MTRF1: variants seen among roughly 807,000 people sequenced by gnomAD.
MTRF1 encodes the protein mitochondrial translation release factor 1, also known as peptide chain release factor 1, mitochondrial.
Under a neutral mutation model 62.9 loss-of-function variants are expected in MTRF1, and 51 were observed. The observed-to-expected ratio is 0.81, with a 90% CI of 0.65 to 1.02. MTRF1 has a LOEUF of 1.02. Among genes scored for constraint, MTRF1 ranks in the 50% least tolerant of loss-of-function variants. The pLI, the probability that MTRF1 is intolerant of heterozygous loss-of-function variation, is 0.00. For missense variants in MTRF1, 446 were observed against 530.0 expected, an observed-to-expected ratio of 0.84 and a Z score of 1.56; for synonymous variants, 158 against 181.9, an observed-to-expected ratio of 0.87 and a Z score of 1.06.
At position 41,254,614 on chromosome 13, in the gene MTRF1, T is replaced by C. The variant is rs763481523; in HGVS notation, c.422A>G (p.Asn141Ser). 6.2e-7 allele frequency: 1 copy of C among 1,612,264 alleles called. No individual in the cohort carries two copies. The highest frequency in any genetic ancestry group is 1.1e-5 in the South Asian group (1 of 90,946). The part of the protein sequence containing the change: ...EELESMCKSL[N>S]KQDEKQLQEL... The stretch of plus-strand genomic sequence containing the variant: ...TTGTAACTGCTTTTCATCTTGTTTA[T>C]TTAGGCCTAAAAGCCAGAAACAGAA... The change falls in exon 3 of 10, where the codon AAT becomes AGT. Residue 141 changes from asparagine to serine, a missense_variant. Transcript: ENST00000379480.
chr13:41,223,429 A>T, intron 8 of MTRF1, 75 bp from the exon 9 acceptor site: 2 of 1,176,016 alleles, frequency 1.7e-6, no homozygotes, highest in South Asian at 2.6e-5. Flanking sequence ...GCACTTGGCA[A>T]ATGACCATTT....
At chr13:41,253,099 C>T (rs1378051268) in intron 3 of MTRF1, 69 bp from the exon 4 acceptor site, 8 of 1,166,258 alleles carry the variant, frequency 6.9e-6, no homozygotes, top group Non-Finnish European at 8.6e-6. Context: ...AATAAAGGCC[C>T]GAAAAACATT....
At chr13:41,268,792 A>C in the MTRF1 span, among the ~76,000 whole-genome samples, 2 of 152,218 alleles carry the variant, frequency 1.3e-5, no homozygotes, top group Admixed American at 6.5e-5. Context: ...TGAGTAAATC[A>C]ATCCCTTAAG....
chr13:41,290,512 AGCCTCCCAAGTAGCTGGGACTACAG>A, the MTRF1 span, among the ~76,000 whole-genome samples: 1 of 150,910 alleles, frequency 6.6e-6, no homozygotes, highest in Non-Finnish European at 1.5e-5. Context: ...CTCCTGCCTC[AGCCTCCCAAGTAGCTGGGACTACAG>A]GCCTATGCCC....
At chr13:41,254,731 AGG>A in intron 2 of MTRF1, 111 bp from the exon 3 acceptor site, 1 of 705,156 alleles carries the variant, frequency 1.4e-6, no homozygotes. Flanking sequence ...TGCAAAGGCA[AGG>A]GATTATACAA....
the MTRF1 span, among the ~76,000 whole-genome samples, chr13:41,275,443 GC>G: frequency 1.5e-4 from 22 of 149,310 alleles, no homozygotes; most frequent in Non-Finnish European, 2.5e-4. Context: ...CTCGTGATCT[GC>G]CCGCCTCGGC....
intron 7 of MTRF1, among the ~76,000 whole-genome samples, chr13:41,230,684 A>G (rs7331451): frequency 0.64 from 96,080 of 150,914 alleles, 30,835 homozygotes; most frequent in Admixed American, 0.66. Context: ...ACAACAAACA[A>G]TACAAGCAAT....
the MTRF1 span, among the ~76,000 whole-genome samples, chr13:41,308,683 G>C: frequency 6.6e-6 from 1 of 152,158 alleles, no homozygotes; most frequent in African/African-American, 2.4e-5. Flanking sequence ...GCTCTGCAGA[G>C]TACACATAGG....
chr13:41,250,719 G>T (rs974971144), intron 5 of MTRF1, among the ~76,000 whole-genome samples: 1 of 152,098 alleles, frequency 6.6e-6, no homozygotes, highest in Non-Finnish European at 1.5e-5. Flanking sequence ...GTCTCGAACT[G>T]TCTCCCGAAG....
the MTRF1 span, chr13:41,311,302 A>G: frequency 1.1e-5 from 6 of 542,308 alleles, no homozygotes; most frequent in East Asian, 6.7e-5. Context: ...GCCGCTGGCC[A>G]AAAAGCGGAG....
chr13:41,252,593 AG>A (rs2039210784), intron 5 of MTRF1, 51 bp downstream of exon 5: 2 of 1,376,094 alleles, frequency 1.5e-6, no homozygotes, highest in African/African-American at 2.9e-5. Context: ...TCAAGATCAG[AG>A]GTAAAATAAT....
At chr13:41,226,713 C>G in intron 7 of MTRF1, 145 bp from the exon 8 acceptor site, 1 of 923,130 alleles carries the variant, frequency 1.1e-6, no homozygotes, top group Non-Finnish European at 1.6e-6. Context: ...CAGAAACTAG[C>G]TGGGTTATGA....
At chr13:41,251,609 G>A (rs73473169) in intron 5 of MTRF1, among the ~76,000 whole-genome samples, 4,796 of 152,136 alleles carry the variant, frequency 0.032, 248 homozygotes, top group African/African-American at 0.11. Flanking sequence ...GGTTGTATCT[G>A]AAATCTGTAC....
rs199717534 is a variant in MTRF1, at chr13:41,218,281, ATTTTTTTTTTT to A, written c.1225-1064_1225-1054del. Among the ~76,000 whole-genome samples, 321 of 117,876 alleles carry A rather than the reference ATTTTTTTTTTT, an allele frequency of 2.7e-3. 2 individuals carry two copies. Among genetic ancestry groups the A allele is most frequent in the Middle Eastern group, 0.024 (5 of 208 alleles). The allele number at this position is 117,876 out of a possible 152,430, so 77.3% of individuals were successfully genotyped here. A position where few individuals can be genotyped will look rare whatever the true frequency, so the allele number is the denominator to read the frequency against. ...CAGGCACATGCTACACACCCAGCTA[ATTTTTTTTTTT>A]TTTTTTTTTTTTTTTTTTGTAGAGA... On this transcript the variant is annotated intron_variant, in intron 9 of 9. Transcript: ENST00000379480.
intron 3 of MTRF1, among the ~76,000 whole-genome samples, 176 bp downstream of exon 3, chr13:41,254,353 C>T (rs772689449): frequency 2.6e-5 from 4 of 151,872 alleles, no homozygotes; most frequent in Non-Finnish European, 4.4e-5. Flanking sequence ...TATTTGACAT[C>T]GTAATTTCTT....
At chr13:41,244,504 AG>A (rs1309806228) in intron 5 of MTRF1, among the ~76,000 whole-genome samples, 1 of 152,216 alleles carries the variant, frequency 6.6e-6, no homozygotes, top group Non-Finnish European at 1.5e-5. Flanking sequence ...GGCAGCCTCA[AG>A]GGTGGCCCCC....
At chr13:41,311,275 C>G in the MTRF1 span, 2 of 553,262 alleles carry the variant, frequency 3.6e-6, no homozygotes, top group Non-Finnish European at 6.3e-6. Flanking sequence ...TTGCAGTGCG[C>G]GGGAACCGCC....
chr13:41,241,580 T>C lies in MTRF1; in HGVS notation c.698-1147A>G, dbSNP rs148097563. Among the ~76,000 whole-genome samples the C allele has an allele frequency of 3.2e-3, 492 of 152,314 alleles. 2 individuals carry two copies. The highest frequency in any genetic ancestry group is 0.011 in the African/African-American group (450 of 41,580). ...ATTCCTTTCTTTATCATAACTTCATTACCTAAACGTGTAGCCCTAGGCGCT... is the reference window on the plus strand; with the variant it reads ...ATTCCTTTCTTTATCATAACTTCATCACCTAAACGTGTAGCCCTAGGCGCT... On this transcript the variant is annotated intron_variant, in intron 5 of 9. Transcript: ENST00000379480.
chr13:41,250,082 G>A (rs2038874522), intron 5 of MTRF1, among the ~76,000 whole-genome samples: 1 of 152,114 alleles, frequency 6.6e-6, no homozygotes, highest in Non-Finnish European at 1.5e-5. Context: ...ACCTGGAACA[G>A]AATCTCTCTT....
Sources: allele counts gnomAD v4.1 joint callset (sites outside exome capture counted in the v4.1 genomes callset), GRCh38; gene constraint gnomAD v4.1.1; transcripts MANE v1.5; gene names NCBI Gene and HGNC (gene_info 2026-07-23, HGNC 2026-07-21).